Variants in TMEM65 observed in about 807,000 individuals in gnomAD.
The protein encoded by TMEM65 is transmembrane protein 65.
A neutral mutation model predicts 25.4 loss-of-function variants in TMEM65; 22 were observed. That is an observed-to-expected ratio of 0.86 (90% confidence interval 0.62 to 1.23). The LOEUF (loss-of-function observed/expected upper bound fraction) is 1.23. TMEM65 is among the 50% of genes most tolerant of loss of function. The probability of loss-of-function intolerance (pLI) is 0.00; values close to 1 mark genes in which losing one functional copy is unlikely to be tolerated. For missense variants in TMEM65, 262 were observed against 308.2 expected, an observed-to-expected ratio of 0.85 and a Z score of 1.12; for synonymous variants, 132 against 126.2, an observed-to-expected ratio of 1.05 and a Z score of -0.31.
rs1005990327 is a variant in TMEM65 at position 124,309,113 on chromosome 8, AT to A, written c.*4846del. ...GTAAATGTATTTTCTCTTCCTGATG[AT>A]TTTAATAACATTTTCTTTCTTCTAC... On this transcript the variant is annotated 3_prime_UTR_variant, in exon 7 of 7. Coordinates refer to ENST00000297632, the MANE Select transcript of TMEM65 (RefSeq NM_194291.3). The A allele has an allele frequency of 2.0e-5, 3 of 152,208 alleles. No individual in the cohort carries two copies. Among genetic ancestry groups the A allele is most frequent in the Admixed American group, 2.0e-4 (3 of 15,284 alleles). 9.4% of individuals were successfully genotyped at this position (152,208 alleles called of 1,614,324 possible). A position where few individuals can be genotyped will look rare whatever the true frequency, so the allele number is the denominator to read the frequency against.
rs1002514473 is a variant in TMEM65, at chr8:124,308,288, C to A, written c.*5672G>T. On this transcript the variant is annotated 3_prime_UTR_variant, in exon 7 of 7. Transcript: ENST00000297632. ...CTATTTGCCCCCAAACACAATGTCT[C>A]TAATTTAGTTTCTAGATCAGGGAGT... 6.6e-6 allele frequency: 1 copy of A among 152,116 alleles called. No homozygotes were observed. The highest frequency in any genetic ancestry group is 1.9e-4 in the East Asian group (1 of 5,198). The allele number at this position is 152,116 out of a possible 1,614,324, so 9.4% of individuals were successfully genotyped here.
intron 1 of TMEM65, among the ~76,000 whole-genome samples, chr8:124,360,936 T>A (rs929000678): frequency 6.6e-6 from 1 of 152,250 alleles, no homozygotes; most frequent in African/African-American, 2.4e-5. Context: ...TAAAATTAAA[T>A]AGGACTGGCT....
intron 1 of TMEM65, among the ~76,000 whole-genome samples, chr8:124,357,540 CT>C (rs1814797818): frequency 6.6e-6 from 1 of 152,114 alleles, no homozygotes; most frequent in African/African-American, 2.4e-5. Flanking sequence ...TATATATTAA[CT>C]TTTTTGCACA....
chr8:124,342,937 C>T (rs978170911), intron 1 of TMEM65, among the ~76,000 whole-genome samples: 24 of 152,182 alleles, frequency 1.6e-4, no homozygotes, highest in Admixed American at 1.2e-3. Context: ...TATATAGAAG[C>T]TTTCTGATTG....
At chr8:124,368,899 G>T (rs1201313537) in intron 1 of TMEM65, among the ~76,000 whole-genome samples, 1 of 152,130 alleles carries the variant, frequency 6.6e-6, no homozygotes, top group Admixed American at 6.6e-5. Context: ...AGGATAATTT[G>T]TTATACCGCA....
intron 1 of TMEM65, chr8:124,351,117 T>C (rs2131219526): frequency 3.0e-6 from 3 of 984,838 alleles, no homozygotes; most frequent in East Asian, 1.1e-4. Context: ...GATATCTGCA[T>C]GCTAAAAGAT....
intron 1 of TMEM65, among the ~76,000 whole-genome samples, chr8:124,345,792 G>A (rs1291718387): frequency 2.6e-5 from 4 of 152,040 alleles, no homozygotes; most frequent in African/African-American, 7.2e-5. Context: ...CACCCAGGCT[G>A]GAGTGCAATG....
chr8:124,362,572 G>A (rs1187445697), intron 1 of TMEM65, among the ~76,000 whole-genome samples: 2 of 145,308 alleles, frequency 1.4e-5, no homozygotes, highest in Non-Finnish European at 1.5e-5. Flanking sequence ...TTAGTCATGA[G>A]AATCGCTTGA....
At chr8:124,314,841 T>C (rs754758455) in intron 6 of TMEM65, among the ~76,000 whole-genome samples, 7 of 151,772 alleles carry the variant, frequency 4.6e-5, no homozygotes, top group Non-Finnish European at 1.0e-4. Flanking sequence ...GTTACTTTTA[T>C]TATTTTTTTT....
At chr8:124,326,757 G>C (rs1814370501) in intron 3 of TMEM65, among the ~76,000 whole-genome samples, 1 of 151,976 alleles carries the variant, frequency 6.6e-6, no homozygotes, top group South Asian at 2.1e-4. Flanking sequence ...TTATATAGTA[G>C]TAAGAAAGGT....
At chr8:124,365,859 T>C (rs1390545637) in intron 1 of TMEM65, among the ~76,000 whole-genome samples, 1 of 152,228 alleles carries the variant, frequency 6.6e-6, no homozygotes, top group African/African-American at 2.4e-5. Context: ...TTGGACTTTG[T>C]ACTTTGACAA....
At chr8:124,350,578 T>C (rs1415078835) in intron 1 of TMEM65, among the ~76,000 whole-genome samples, 1 of 151,972 alleles carries the variant, frequency 6.6e-6, no homozygotes, top group African/African-American at 2.4e-5. Flanking sequence ...AAAACTTTCA[T>C]GAATGACCTT....
chr8:124,334,958 T>A (rs1011848707), intron 1 of TMEM65, among the ~76,000 whole-genome samples: 3 of 151,836 alleles, frequency 2.0e-5, no homozygotes, highest in Admixed American at 2.0e-4. Flanking sequence ...AATGGCTAAA[T>A]ATTAAAAGGG....
At chr8:124,371,176 A>G (rs1323251636) in intron 1 of TMEM65, among the ~76,000 whole-genome samples, 5 of 152,248 alleles carry the variant, frequency 3.3e-5, no homozygotes, top group Non-Finnish European at 7.3e-5. Flanking sequence ...TCCAAAAAAT[A>G]TACCTCCTTA....
At chr8:124,354,427 C>T (rs755107017) in intron 1 of TMEM65, among the ~76,000 whole-genome samples, 64 of 152,256 alleles carry the variant, frequency 4.2e-4, no homozygotes, top group Middle Eastern at 3.4e-3. Context: ...ACAGTACTCC[C>T]GTTGCAGTGG....
intron 1 of TMEM65, among the ~76,000 whole-genome samples, chr8:124,340,039 T>C: frequency 6.6e-6 from 1 of 151,980 alleles, no homozygotes; most frequent in South Asian, 2.1e-4. Context: ...ATTTAAAAAA[T>C]AAATCAAAGA....
intron 6 of TMEM65, among the ~76,000 whole-genome samples, chr8:124,314,578 T>C (rs567205848): frequency 6.6e-6 from 1 of 152,344 alleles, no homozygotes; most frequent in East Asian, 1.9e-4. Context: ...TAGACACACA[T>C]ACCAATTATC....
At chr8:124,363,944 C>T (rs1206755096) in intron 1 of TMEM65, among the ~76,000 whole-genome samples, 1 of 146,024 alleles carries the variant, frequency 6.8e-6, no homozygotes, top group Non-Finnish European at 1.5e-5. Context: ...TTATCTAGTA[C>T]AACTTTAGTA....
chr8:124,356,838 G>A (rs941023189), intron 1 of TMEM65, among the ~76,000 whole-genome samples: 107 of 152,124 alleles, frequency 7.0e-4, no homozygotes, highest in African/African-American at 2.6e-3. Flanking sequence ...CTCCCAAGTA[G>A]CTGGGACCAT....
Sources: allele counts gnomAD v4.1 joint callset (sites outside exome capture counted in the v4.1 genomes callset), GRCh38; gene constraint gnomAD v4.1.1; transcripts MANE v1.5; gene names NCBI Gene and HGNC (gene_info 2026-07-23, HGNC 2026-07-21).